The following INTS2 variants were observed in gnomAD, a reference collection of about 807,000 sequenced individuals.
The protein encoded by INTS2 is KIAA1287.
A neutral mutation model predicts 139.6 loss-of-function variants in INTS2; 57 were observed. The ratio of observed to expected loss-of-function variants is 0.41; its 90% CI spans 0.33 to 0.51. The LOEUF (loss-of-function observed/expected upper bound fraction) is 0.51. Among genes scored for constraint, INTS2 ranks in the 20% least tolerant of loss-of-function variants. The probability of loss-of-function intolerance (pLI) is 0.28; values close to 1 mark genes in which losing one functional copy is unlikely to be tolerated. For missense variants in INTS2, 1,196 were observed against 1,436.7 expected, an observed-to-expected ratio of 0.83 and a Z score of 2.71; for synonymous variants, 473 against 493.4, an observed-to-expected ratio of 0.96 and a Z score of 0.55.
rs535274338 is a variant in INTS2 at position 61,893,040 on chromosome 17, T to C, written c.1698+725A>G. 1.3e-5 allele frequency among the ~76,000 whole-genome samples: 2 copies of C among 151,210 alleles called. No homozygotes were observed. Among genetic ancestry groups the C allele is most frequent in the South Asian group, 2.1e-4 (1 of 4,770 alleles). On this transcript the variant is annotated intron_variant, in intron 13 of 24. Transcript: ENST00000251334. This position sits in a 1 kb window ranked among gnomAD's most constrained non-coding sequence, Gnocchi z 5.4. ...TAGGAGGCTGTGGCAGGAGGACTGC[T>C]TGAGCCCAGGAGTTTGAGGTTACAG...
rs73991952 is a variant in INTS2, at chr17:61,897,348, T to G, written c.1494+121A>C. ...CAAAATGCATTTTTCTAAGCGCTCT[T>G]GATAAAACTTCTATTAAACAATTAA... On this transcript the variant is annotated intron_variant, in intron 11 of 24. Transcript: ENST00000251334. The surrounding 1 kb of genome is among the most constrained non-coding windows in gnomAD (Gnocchi z 4.4). 0.03 allele frequency: 18,316 copies of G among 609,114 alleles called. 2,539 individuals are homozygous for G. The highest frequency in any genetic ancestry group is 0.3 in the African/African-American group (15,902 of 52,940). The allele number at this position is 609,114 out of a possible 1,614,324, so 37.7% of individuals were successfully genotyped here. A position where few individuals can be genotyped will look rare whatever the true frequency, so the allele number is the denominator to read the frequency against.
chr17:61,910,916 A>T (rs2079519966), intron 7 of INTS2: 2 of 152,320 alleles, frequency 1.3e-5, no homozygotes, highest in South Asian at 4.1e-4. Flanking sequence ...TCACAAGGGT[A>T]CGGTGCAGTT....
chr17:61,877,206 T>C (rs1452879259), intron 18 of INTS2, among the ~76,000 whole-genome samples: 2 of 152,070 alleles, frequency 1.3e-5, no homozygotes, highest in South Asian at 2.1e-4. Context: ...ATAAGAGATA[T>C]ATGGGGAGGA....
Position 61,897,837 on chromosome 17 carries a change from C to T in INTS2, c.1308-98G>A. On this transcript the variant is annotated intron_variant, in intron 9 of 24. Coordinates refer to ENST00000251334, the MANE Select transcript of INTS2 (RefSeq NM_001351695.2). The surrounding 1 kb of genome is among the most constrained non-coding windows in gnomAD (Gnocchi z 4.4). ...GTTATTTTTGGTAGAAATTATTTTT[C>T]CTGCCCTATTTTCAAGTATCAAGTC... The T allele has an allele frequency of 2.3e-6, 2 of 876,402 alleles. No individual in the cohort carries two copies. Among genetic ancestry groups the T allele is most frequent in the South Asian group, 3.2e-5 (2 of 63,078 alleles). The allele number at this position is 876,402 out of a possible 1,614,324, so 54.3% of individuals were successfully genotyped here. A position where few individuals can be genotyped will look rare whatever the true frequency, so the allele number is the denominator to read the frequency against.
At chr17:61,920,489 T>TC (rs1281205470) in intron 4 of INTS2, among the ~76,000 whole-genome samples, 1 of 63,620 alleles carries the variant, frequency 1.6e-5, no homozygotes, top group Non-Finnish European at 2.6e-5. Context: ...GCCTATACTT[T>TC]TTTTTTTTTT....
intron 5 of INTS2, among the ~76,000 whole-genome samples, chr17:61,916,411 T>C (rs189535862): frequency 1.8e-4 from 27 of 152,146 alleles, no homozygotes; most frequent in Admixed American, 1.6e-3. Flanking sequence ...CCAGTCTGGG[T>C]AACAGAGTAA....
At position 61,906,507 on chromosome 17, in the gene INTS2, C is replaced by T. The variant is rs185500436; in HGVS notation, c.1181+901G>A. ...AGTGATCTGTGTCCTGAGGAGCTCACAAACTCTATACAATTAACTGGTTAA... is the reference window on the plus strand; with the variant it reads ...AGTGATCTGTGTCCTGAGGAGCTCATAAACTCTATACAATTAACTGGTTAA... On this transcript the variant is annotated intron_variant, in intron 8 of 24. Transcript: ENST00000251334. Among the ~76,000 whole-genome samples, 143 of 152,240 alleles carry T rather than the reference C, an allele frequency of 9.4e-4. 1 individual carries two copies. The East Asian group carries it at 0.017, about 18-fold the overall frequency.
intron 16 of INTS2, 113 bp from the exon 17 acceptor site, chr17:61,881,284 T>C (rs1039658420): frequency 2.5e-6 from 2 of 801,460 alleles, no homozygotes; most frequent in Non-Finnish European, 3.8e-6. Flanking sequence ...GGTTATGCTC[T>C]AAGTCAGTGT....
intron 15 of INTS2, among the ~76,000 whole-genome samples, chr17:61,885,932 G>C (rs2079224163): frequency 6.6e-6 from 1 of 151,242 alleles, no homozygotes; most frequent in South Asian, 2.1e-4. Context: ...GTTTCACTGT[G>C]TTAGCCAGGA....
In INTS2 at chr17:61,872,651, A is replaced by G. The variant is rs934437803; in HGVS notation, c.2583-191T>C. 2.0e-5 allele frequency among the ~76,000 whole-genome samples: 3 copies of G among 152,210 alleles called. No individual in the cohort carries two copies. Among genetic ancestry groups the G allele is most frequent in the Admixed American group, 6.5e-5 (1 of 15,282 alleles). ...TTCTCTGTATTTCAAGCCCTTATAT[A>G]AATAGTATTACTTGTTTCATCTTAT... is the stretch of plus-strand genomic sequence containing the variant. On this transcript the variant is annotated intron_variant, in intron 19 of 24. Coordinates refer to ENST00000251334, the MANE Select transcript of INTS2 (RefSeq NM_001351695.2). The surrounding 1 kb of genome is among the most constrained non-coding windows in gnomAD (Gnocchi z 4.8).
At chr17:61,918,248 T>G (rs779461465) in intron 5 of INTS2, among the ~76,000 whole-genome samples, 3 of 152,164 alleles carry the variant, frequency 2.0e-5, no homozygotes, top group African/African-American at 7.2e-5. Flanking sequence ...TATTTTGGTT[T>G]GTTTGTTTGT....
At position 61,867,833 on chromosome 17, in the gene INTS2, G is replaced by C; in HGVS notation, c.3421C>G (p.Arg1141Gly). The change falls in exon 24 of 25, where the codon CGT becomes GGT. Residue 1141 changes from arginine (R) to glycine (G), a missense_variant and splice_region_variant. Physicochemically the swap from Arg to Gly is moderately radical, Grantham distance 125. Coordinates refer to ENST00000251334, the MANE Select transcript of INTS2 (RefSeq NM_001351695.2). This position sits in a 1 kb window ranked among gnomAD's most constrained non-coding sequence, Gnocchi z 5.6. The part of the protein sequence containing the change: ...QTRDIDPIIT[R>G]LQQIKEKPSG... ...CCCTTGAAAATAAGTTACCACTTACGTGTAATAATTGGATCAATGTCTCTT... is the reference window on the plus strand; with the variant it reads ...CCCTTGAAAATAAGTTACCACTTACCTGTAATAATTGGATCAATGTCTCTT... The C allele has an allele frequency of 6.3e-7, 1 of 1,584,208 alleles. No homozygotes were observed. Among genetic ancestry groups the C allele is most frequent in the South Asian group, 1.2e-5 (1 of 85,582 alleles).
intron 2 of INTS2, among the ~76,000 whole-genome samples, chr17:61,926,039 A>C (rs1023851702): frequency 1.3e-5 from 2 of 152,036 alleles, no homozygotes; most frequent in Non-Finnish European, 2.9e-5. Flanking sequence ...AAAAGAAAAA[A>C]AAAAGCCTCC....
chr17:61,881,458 G>A (rs1461822021), intron 16 of INTS2, among the ~76,000 whole-genome samples: 2 of 152,134 alleles, frequency 1.3e-5, no homozygotes, highest in African/African-American at 2.4e-5. Flanking sequence ...TTAGCCGGGC[G>A]TGTTGTTGGG....
intron 12 of INTS2, among the ~76,000 whole-genome samples, chr17:61,894,993 C>T (rs931883955): frequency 2.6e-5 from 4 of 152,160 alleles, no homozygotes; most frequent in Admixed American, 2.0e-4. Flanking sequence ...AATAGGACTT[C>T]ATTTTATCTT....
chr17:61,889,951 T>G, intron 14 of INTS2, 57 bp from the exon 15 acceptor site: 1 of 1,062,020 alleles, frequency 9.4e-7, no homozygotes. Context: ...GTGCTTTTTT[T>G]TTTCTTGATA....
chr17:61,877,921 G>T lies in INTS2; in HGVS notation c.2422C>A (p.Leu808Ile), dbSNP rs1280448230. The change falls in exon 18 of 25, where the codon CTA (leucine) becomes ATA (isoleucine). Residue 808 changes from leucine to isoleucine, a missense_variant. Physicochemically the swap from Leu to Ile is conservative, Grantham distance 5. Transcript: ENST00000251334. Reference sequence around the variant, plus strand: ...ATCACAGTATTAAGAACCATCCATAGTTTATTGACTGTTTGCAGAATTCTC... The same window carrying T: ...ATCACAGTATTAAGAACCATCCATATTTTATTGACTGTTTGCAGAATTCTC... ...PRRILQTVNK[L>I]WMVLNTVMPR... 1 of 1,613,628 alleles carries T rather than the reference G, an allele frequency of 6.2e-7. No individual in the cohort carries two copies. Among genetic ancestry groups the T allele is most frequent in the Non-Finnish European group, 8.5e-7 (1 of 1,179,622 alleles).
Position 61,869,961 on chromosome 17 carries a change from C to A in INTS2, c.2806G>T (p.Glu936Ter). Reference sequence around the variant, plus strand: ...TCCTCTTCAGTAGGTAGGCAAATCTCTAAGAGAATCTGGACAGCTGCACTA... The same window carrying A: ...TCCTCTTCAGTAGGTAGGCAAATCTATAAGAGAATCTGGACAGCTGCACTA... ...QDSAAVQILL[E>*]ICLPTEEEKA... is the part of the protein sequence containing the mutation. The change falls in exon 21 of 25, where the codon GAG becomes TAG. Residue 936 changes from glutamate to a stop codon, truncating the protein, a stop_gained. Coordinates refer to ENST00000251334, the MANE Select transcript of INTS2 (RefSeq NM_001351695.2). LOFTEE classifies it high-confidence loss of function. This position sits in a 1 kb window ranked among gnomAD's most constrained non-coding sequence, Gnocchi z 5.4. 6.2e-7 allele frequency: 1 copy of A among 1,613,618 alleles called. No individual in the cohort carries two copies. Among genetic ancestry groups the A allele is most frequent in the South Asian group, 1.1e-5 (1 of 91,070 alleles).
intron 9 of INTS2, among the ~76,000 whole-genome samples, chr17:61,902,518 A>G (rs948927627): frequency 1.3e-5 from 2 of 152,234 alleles, no homozygotes; most frequent in South Asian, 4.1e-4. Flanking sequence ...GTGTATATAC[A>G]GAGTTATGCA....
Sources: allele counts gnomAD v4.1 joint callset (sites outside exome capture counted in the v4.1 genomes callset), GRCh38; gene constraint gnomAD v4.1.1; non-coding constraint Gnocchi (gnomAD v3.1); transcripts MANE v1.5; gene names NCBI Gene and HGNC (gene_info 2026-07-23, HGNC 2026-07-21).